The following CCP110 variants were observed in gnomAD, a reference collection of about 807,000 sequenced individuals.
The protein encoded by CCP110 is centriolar coiled-coil protein of 110 kDa.
CCP110 carries 43 observed loss-of-function variants against 105.5 expected under a neutral mutation model. The ratio of observed to expected loss-of-function variants is 0.41; its 90% CI spans 0.32 to 0.53. The LOEUF is 0.53. Among genes scored for constraint, CCP110 ranks in the 20% least tolerant of loss-of-function variants. CCP110 has a pLI of 0.32. For synonymous variants in CCP110, 353 were observed against 392.1 expected, an observed-to-expected ratio of 0.90 and a Z score of 1.18; for missense variants, 1,016 against 1,189.1, an observed-to-expected ratio of 0.85 and a Z score of 2.14.
chr16:19,535,545 T>C (rs1970021366), intron 3 of CCP110, among the ~76,000 whole-genome samples: 1 of 152,130 alleles, frequency 6.6e-6, no homozygotes, highest in Non-Finnish European at 1.5e-5. Flanking sequence ...ATGATAGCTA[T>C]CCTAGGAGGA....
chr16:19,537,220 A>G, exon 4 of CCP110: 1 of 1,614,186 alleles, frequency 6.2e-7, no homozygotes, highest in African/African-American at 1.3e-5. Context: ...TAGCAAGTCC[A>G]AACTTTGGAA....
chr16:19,541,286 C>T (rs562423819), intron 5 of CCP110, among the ~76,000 whole-genome samples: 9 of 149,858 alleles, frequency 6.0e-5, no homozygotes, highest in South Asian at 2.1e-4. Context: ...AAAAAAAGAA[C>T]GACACTTGTT....
At chr16:19,543,084 T>A in intron 8 of CCP110, 90 bp downstream of exon 8, 1 of 762,426 alleles carries the variant, frequency 1.3e-6, no homozygotes, top group Non-Finnish European at 2.2e-6. Flanking sequence ...GTTCAGAACT[T>A]AAACGCTTTT....
chr16:19,535,154 A>G (rs1258838651), intron 3 of CCP110, among the ~76,000 whole-genome samples: 1 of 152,160 alleles, frequency 6.6e-6, no homozygotes, highest in Non-Finnish European at 1.5e-5. Context: ...TGCTGGGATT[A>G]CAGGCGTGAG....
exon 4 of CCP110, chr16:19,536,239 C>T (rs767302038): frequency 6.2e-7 from 1 of 1,613,912 alleles, no homozygotes; most frequent in Non-Finnish European, 8.5e-7. Context: ...TTCCAAAGAC[C>T]TCTTCAGCAA....
At chr16:19,551,529 TC>T (rs1970641115) in exon 15 of CCP110, 1 of 365,584 alleles carries the variant, frequency 2.7e-6, no homozygotes, top group East Asian at 4.7e-5. Flanking sequence ...TGCCCAGATG[TC>T]TACAGAGACC....
chr16:19,551,982 A>T (rs1970655842), exon 15 of CCP110: 2 of 152,348 alleles, frequency 1.3e-5, no homozygotes, highest in East Asian at 3.9e-4. Flanking sequence ...ATCTTCTTGA[A>T]TGTAGCTCTT....
chr16:19,546,960 C>T (rs1970482490), intron 12 of CCP110: 1 of 155,280 alleles, frequency 6.4e-6, no homozygotes, highest in South Asian at 1.9e-4. Flanking sequence ...CATACCAATA[C>T]CTGGCCATAT....
intron 3 of CCP110, among the ~76,000 whole-genome samples, chr16:19,533,295 A>G (rs1969939360): frequency 6.6e-6 from 1 of 152,216 alleles, no homozygotes; most frequent in Non-Finnish European, 1.5e-5. Flanking sequence ...TAAACTGAAG[A>G]AAATGACTGA....
At chr16:19,525,094 G>A (rs1969623140) in intron 1 of CCP110, 1 of 152,110 alleles carries the variant, frequency 6.6e-6, no homozygotes, top group Non-Finnish European at 1.5e-5. Flanking sequence ...CCCCTTTACC[G>A]CTTTTACAAG....
chr16:19,526,515 C>A (rs1212759736), intron 1 of CCP110: 2 of 152,124 alleles, frequency 1.3e-5, no homozygotes, highest in African/African-American at 4.8e-5. Flanking sequence ...CTCACTCACA[C>A]TGTAGAGAAC....
chr16:19,551,239 G>A lies in CCP110; in HGVS notation c.3030G>A (p.Ala1010=), dbSNP rs773372444. Residue 1010 remains alanine, a synonymous_variant, in exon 15 of 15, where the codon GCG becomes GCA. Coordinates refer to ENST00000381396, the Ensembl canonical transcript of CCP110. ...TCCAAAGAAAGCGGCCAAATGTTGC[G>A]ACAATTTAAGAAGACAACATTCATT... 9.9e-6 allele frequency: 16 copies of A among 1,611,568 alleles called. No individual in the cohort carries two copies. Among genetic ancestry groups the A allele is most frequent in the East Asian group, 2.2e-5 (1 of 44,846 alleles).
At chr16:19,534,418 A>G (rs1969977011) in intron 3 of CCP110, among the ~76,000 whole-genome samples, 1 of 152,126 alleles carries the variant, frequency 6.6e-6, no homozygotes, top group Non-Finnish European at 1.5e-5. Context: ...CACCTGTAAA[A>G]CCTAAGATTC....
chr16:19,546,300 A>C, intron 11 of CCP110, 112 bp from the exon 12 acceptor site: 1 of 655,872 alleles, frequency 1.5e-6, no homozygotes, highest in East Asian at 2.7e-5. Context: ...GTCTTCCAGT[A>C]GTACACCAGC....
At chr16:19,550,156 C>CTTT (rs71375648) in intron 14 of CCP110, among the ~76,000 whole-genome samples, 48 of 144,922 alleles carry the variant, frequency 3.3e-4, no homozygotes, top group Admixed American at 1.2e-3. Context: ...TAATTGTGTT[C>CTTT]TTTTTTTTTT....
chr16:19,533,885 C>T (rs1374001174), intron 3 of CCP110, among the ~76,000 whole-genome samples: 1 of 152,222 alleles, frequency 6.6e-6, no homozygotes, highest in East Asian at 1.9e-4. Flanking sequence ...TTGTGTGACT[C>T]AGTTCCTAAG....
exon 4 of CCP110, chr16:19,537,407 A>G: frequency 6.2e-7 from 1 of 1,613,502 alleles, no homozygotes; most frequent in Non-Finnish European, 8.5e-7. Flanking sequence ...TTTGGATAAC[A>G]GTTTTGAGAA....
intron 2 of CCP110, among the ~76,000 whole-genome samples, chr16:19,529,821 C>G (rs1597250709): frequency 6.6e-6 from 1 of 152,190 alleles, no homozygotes; most frequent in East Asian, 1.9e-4. Context: ...CAATCTGGAT[C>G]CAAAGTTCAC....
At chr16:19,547,866 TAC>T (rs1490906647) in intron 12 of CCP110, 87 bp from the exon 13 acceptor site, 10 of 906,898 alleles carry the variant, frequency 1.1e-5, no homozygotes, top group Non-Finnish European at 1.9e-5. Flanking sequence ...ACCTTTACCT[TAC>T]AGTCATCATC....
Sources: gnomAD v4.1 joint callset for allele counts (sites outside exome capture counted in the v4.1 genomes callset) on GRCh38, gnomAD v4.1.1 for gene constraint, MANE v1.5 for transcripts, NCBI Gene and HGNC (gene_info 2026-07-23, HGNC 2026-07-21) for gene names.